The following ADH1C variants were observed in gnomAD, a reference collection of about 807,000 sequenced individuals.
The protein encoded by ADH1C is alcohol dehydrogenase 1C (class I), gamma polypeptide.
A neutral mutation model predicts 35.0 loss-of-function variants in ADH1C; 26 were observed. The ratio of observed to expected loss-of-function variants is 0.74; its 90% CI spans 0.54 to 1.03. ADH1C has a LOEUF of 1.03. Among genes scored for constraint, ADH1C ranks in the 50% least tolerant of loss-of-function variants. The pLI, the probability that ADH1C is intolerant of heterozygous loss-of-function variation, is 0.00. For missense variants in ADH1C, 413 were observed against 465.4 expected (o/e 0.89, Z 1.04); for synonymous variants, 170 against 169.3 (o/e 1.00, Z -0.03).
rs571087290 is a variant in ADH1C, at chr4:99,340,620, T to G, written c.919A>C (p.Met307Leu). The change falls in exon 7 of 9, where the codon ATG becomes CTG. Residue 307 changes from methionine (M) to leucine (L), a missense_variant. Met to Leu is a conservative substitution (Grantham distance 15). Transcript: ENST00000515683. Reference protein sequence around the residue: ...PDSQNLSINPMLLLTGRTWKG... With the variant: ...PDSQNLSINPLLLLTGRTWKG... Reference sequence around the variant, plus strand: ...CACGTGCGTCCAGTCAGTAGCAGCATAGGGTTTATTGAGAGGTTCTGGGAA... The same window carrying G: ...CACGTGCGTCCAGTCAGTAGCAGCAGAGGGTTTATTGAGAGGTTCTGGGAA... The G allele has an allele frequency of 1.9e-6, 3 of 1,614,022 alleles. No homozygotes were observed. The highest frequency in any genetic ancestry group is 2.5e-6 in the Non-Finnish European group (3 of 1,180,004).
At chr4:99,351,754 TTTA>T (rs1224452174) in intron 1 of ADH1C, among the ~76,000 whole-genome samples, 1 of 152,196 alleles carries the variant, frequency 6.6e-6, no homozygotes, top group African/African-American at 2.4e-5. Flanking sequence ...AGTGAGGTGT[TTTA>T]TTGTGTGATA....
chr4:99,345,153 G>T (rs1734501948), intron 4 of ADH1C, 26 bp downstream of exon 4: 1 of 1,613,594 alleles, frequency 6.2e-7, no homozygotes, highest in Admixed American at 1.7e-5. Flanking sequence ...CTCAAAGTCT[G>T]TGCAAAGAAA....
At chr4:99,349,566 C>G (rs1377859883) in intron 1 of ADH1C, among the ~76,000 whole-genome samples, 1 of 152,204 alleles carries the variant, frequency 6.6e-6, no homozygotes, top group East Asian at 1.9e-4. Context: ...AAGGATCTGA[C>G]TCCATAAAAA....
rs947193340 is a variant in ADH1C, at chr4:99,342,533, A to G, written c.828+262T>C. Among the ~76,000 whole-genome samples, 61 of 152,210 alleles carry G rather than the reference A, an allele frequency of 4.0e-4. 1 individual carries two copies. Among genetic ancestry groups the G allele is most frequent in the Non-Finnish European group, 1.3e-4 (9 of 68,040 alleles). ...TGCATTTTAAACTAAAAATTAATAA[A>G]GCATATTTGTAGTGGCTGTGTTAAA... On this transcript the variant is annotated intron_variant, in intron 6 of 8. Coordinates refer to ENST00000515683, the MANE Select transcript of ADH1C (RefSeq NM_000669.5).
intron 1 of ADH1C, chr4:99,350,898 G>C (rs1662047): frequency 0.23 from 35,622 of 152,140 alleles, 4,940 homozygotes; most frequent in Non-Finnish European, 0.31. Context: ...AGCACTTTGG[G>C]AGGCCGAGGT....
intron 8 of ADH1C, among the ~76,000 whole-genome samples, chr4:99,339,194 T>C (rs1425553961): frequency 6.6e-6 from 1 of 152,178 alleles, no homozygotes; most frequent in African/African-American, 2.4e-5. Flanking sequence ...AATCATTAGA[T>C]GTCACACTTA....
chr4:99,338,395 CTATATATATATATATATA>C (rs35124782), intron 8 of ADH1C, among the ~76,000 whole-genome samples: 4 of 38,946 alleles, frequency 1.0e-4, no homozygotes, highest in Non-Finnish European at 1.9e-4. Context: ...ATACTGTTTT[CTATATATATATATATATA>C]TATATATATA....
Position 99,342,812 on chromosome 4 carries a change from C to A in ADH1C, c.811G>T (p.Gly271Cys). Residue 271 changes from glycine to cysteine, a missense_variant, in exon 6 of 9, where the codon GGT becomes TGT. By Grantham distance (159) the Gly-to-Cys change is radical (BLOSUM62 -3). Transcript: ENST00000515683. ...GGVDFSFEVIGRLDTMMASLL... is the reference protein window; with the variant it reads ...GGVDFSFEVICRLDTMMASLL... The stretch of plus-strand genomic sequence containing the variant: ...GATCATACCATGGTGTCAAGCCGAC[C>A]GATGACTTCAAACGAAAAATCCACA... 6.2e-7 allele frequency: 1 copy of A among 1,613,972 alleles called. No homozygotes were observed. Among genetic ancestry groups the A allele is most frequent in the Non-Finnish European group, 8.5e-7 (1 of 1,179,876 alleles).
chr4:99,346,985 C>T (rs1425828789), intron 3 of ADH1C, 21 bp downstream of exon 3: 8 of 1,610,490 alleles, frequency 5.0e-6, no homozygotes, highest in South Asian at 1.1e-5. Flanking sequence ...AAGGCATGTT[C>T]CCTGAGTGTG....
chr4:99,344,653 C>T (rs561409875), intron 5 of ADH1C, among the ~76,000 whole-genome samples: 1 of 138,554 alleles, frequency 7.2e-6, no homozygotes, highest in South Asian at 2.3e-4. Flanking sequence ...TTGAAAATGA[C>T]ATCTTTACAT....
chr4:99,347,030 C>G lies in ADH1C; in HGVS notation c.235G>C (p.Glu79Gln), dbSNP rs1734547305. 4 of 1,614,056 alleles carry G rather than the reference C, an allele frequency of 2.5e-6. No homozygotes were observed. The highest frequency in any genetic ancestry group is 3.4e-6 in the Non-Finnish European group (4 of 1,179,988). The change falls in exon 3 of 9, where the codon GAA becomes CAA. Residue 79 changes from glutamate to glutamine, a missense_variant. Glu to Gln is a conservative substitution (Grantham distance 29). Transcript: ENST00000515683. ...EAAGIVESVG[E>Q]GVTTVKPGDK... ...CCTGGTTTGACTGTAGTCACCCCTT[C>G]TCCAACACTTTCCACGATGCCGGCT...
At chr4:99,348,589 G>A (rs1380299924) in intron 1 of ADH1C, among the ~76,000 whole-genome samples, 4 of 150,798 alleles carry the variant, frequency 2.7e-5, no homozygotes, top group East Asian at 3.9e-4. Flanking sequence ...ATAAACATAC[G>A]TGTGCATGTG....
At chr4:99,345,358 G>T in intron 3 of ADH1C, 92 bp from the exon 4 acceptor site, 1 of 1,293,856 alleles carries the variant, frequency 7.7e-7, no homozygotes, top group Non-Finnish European at 1.1e-6. Flanking sequence ...TTAGAATTAT[G>T]TGTCTGAAAA....
At chr4:99,350,508 T>C (rs1734649538) in intron 1 of ADH1C, among the ~76,000 whole-genome samples, 1 of 152,170 alleles carries the variant, frequency 6.6e-6, no homozygotes, top group Non-Finnish European at 1.5e-5. Context: ...TTTCCATTCC[T>C]GAGTTACTTC....
chr4:99,336,633 T>A lies in ADH1C; in HGVS notation c.*119A>T. The A allele has an allele frequency of 8.1e-7, 1 of 1,238,952 alleles. No individual in the cohort carries two copies. Among genetic ancestry groups the A allele is most frequent in the Non-Finnish European group, 1.2e-6 (1 of 864,588 alleles). 76.7% of individuals were successfully genotyped at this position (1,238,952 alleles called of 1,614,324 possible). The stretch of plus-strand genomic sequence containing the variant: ...TCCATTTCTTTGGAAAGCTCCCACG[T>A]GTAATTTATTTTTAACATCTCTGAA... On this transcript the variant is annotated 3_prime_UTR_variant, in exon 9 of 9. Transcript: ENST00000515683.
intron 8 of ADH1C, 88 bp from the exon 9 acceptor site, chr4:99,336,864 T>C (rs980973286): frequency 1.3e-6 from 2 of 1,573,254 alleles, no homozygotes; most frequent in African/African-American, 1.3e-5. Context: ...TGAGGTGACT[T>C]AGTGAAAATC....
chr4:99,352,575 AATT>A (rs1180983243), intron 1 of ADH1C, 80 bp downstream of exon 1: 1 of 1,220,390 alleles, frequency 8.2e-7, no homozygotes, highest in African/African-American at 1.5e-5. Context: ...TTAAATTTTA[AATT>A]ATTCATTATT....
At chr4:99,341,696 C>G (rs1053728373) in intron 6 of ADH1C, among the ~76,000 whole-genome samples, 6 of 152,088 alleles carry the variant, frequency 3.9e-5, no homozygotes, top group African/African-American at 1.4e-4. Flanking sequence ...TTTCTGGAGA[C>G]TTTTTCAGTA....
At position 99,345,002 on chromosome 4, in the gene ADH1C, C is replaced by T. The variant is rs746492884; in HGVS notation, c.427G>A (p.Gly143Ser). 38 of 1,614,040 alleles carry T rather than the reference C, an allele frequency of 2.4e-5. No individual in the cohort carries two copies. The Admixed American group carries it at 5.8e-4, about 25-fold the overall frequency. Residue 143 changes from glycine (G) to serine (S), a missense_variant, in exon 5 of 9, where the codon GGC becomes AGC. Physicochemically the swap from Gly to Ser is moderately conservative, Grantham distance 56. Coordinates refer to ENST00000515683, the MANE Select transcript of ADH1C (RefSeq NM_000669.5). ...CSGKPIHHFV[G>S]VSTFSQYTVV... ...GTGTACTGGGAGAAGGTGCTGACGC[C>T]GACGAAGTGGTGGATGGGCTTCCCG...
Sources: allele counts gnomAD v4.1 joint callset (sites outside exome capture counted in the v4.1 genomes callset), GRCh38; gene constraint gnomAD v4.1.1; transcripts MANE v1.5; gene names NCBI Gene and HGNC (gene_info 2026-07-23, HGNC 2026-07-21).